KMT2C: variants seen among roughly 807,000 people sequenced by gnomAD.
KMT2C encodes the protein histone-lysine N-methyltransferase 2C.
Under a neutral mutation model 507.9 loss-of-function variants are expected in KMT2C, and 88 were observed. The ratio of observed to expected loss-of-function variants is 0.17; its 90% CI spans 0.15 to 0.21. KMT2C has a LOEUF of 0.21. Among genes scored for constraint, KMT2C ranks in the 10% least tolerant of loss-of-function variants. KMT2C has a pLI of 1.00. For synonymous variants in KMT2C, 2,049 were observed against 2,080.8 expected (o/e 0.98, Z 0.42); for missense variants, 4,954 against 5,957.8 (o/e 0.83, Z 5.55).
At chr7:152,329,883 T>C (rs550255683) in intron 3 of KMT2C, among the ~76,000 whole-genome samples, 7 of 151,992 alleles carry the variant, frequency 4.6e-5, no homozygotes, top group East Asian at 1.9e-4. Flanking sequence ...TAGTGGCTCA[T>C]GCCTGTAATC....
intron 48 of KMT2C, among the ~76,000 whole-genome samples, chr7:152,153,273 C>T (rs1236862111): frequency 1.3e-5 from 2 of 152,306 alleles, no homozygotes; most frequent in Admixed American, 1.3e-4. Context: ...AGAAAGCTTA[C>T]TTCCAGGGGC....
chr7:152,194,323 A>G (rs2093900349), intron 29 of KMT2C, 62 bp from the exon 30 acceptor site: 1 of 1,358,454 alleles, frequency 7.4e-7, no homozygotes, highest in Non-Finnish European at 1.0e-6. Context: ...TACTGATATA[A>G]AATAGTATTT....
In KMT2C at chr7:152,180,275, C is replaced by T. The variant is rs2093387610; in HGVS notation, c.7150-149G>A. 11 of 809,838 alleles carry T rather than the reference C, an allele frequency of 1.4e-5. No individual in the cohort carries two copies. The South Asian group carries it at 1.5e-4, about 11-fold the overall frequency. The allele number at this position is 809,838 out of a possible 1,614,324, so 50.2% of individuals were successfully genotyped here. On this transcript the variant is annotated intron_variant, in intron 36 of 58. Coordinates refer to ENST00000262189, the MANE Select transcript of KMT2C (RefSeq NM_170606.3). Reference sequence around the variant, plus strand: ...GACTCAAGTGATCCTCCTGTCTCAGCCTCTCAAGTAGCTGGGATTACAAGC... The same window carrying T: ...GACTCAAGTGATCCTCCTGTCTCAGTCTCTCAAGTAGCTGGGATTACAAGC...
chr7:152,251,806 G>C (rs1171414286), intron 11 of KMT2C, 133 bp downstream of exon 11: 1 of 525,246 alleles, frequency 1.9e-6, no homozygotes, highest in Admixed American at 3.8e-5. Context: ...ACATTTAAAG[G>C]TTGAGAAACT....
intron 6 of KMT2C, among the ~76,000 whole-genome samples, chr7:152,282,645 T>G (rs1270486867): frequency 2.0e-5 from 3 of 152,110 alleles, no homozygotes; most frequent in African/African-American, 7.2e-5. Context: ...AAGACTCACC[T>G]ATGTTGTTAC....
At position 152,177,204 on chromosome 7, in the gene KMT2C, C is replaced by A. The variant is rs1460738656; in HGVS notation, c.8249G>T (p.Arg2750Met). 1 of 1,613,932 alleles carries A rather than the reference C, an allele frequency of 6.2e-7. No individual in the cohort carries two copies. The highest frequency in any genetic ancestry group is 1.7e-5 in the Admixed American group (1 of 60,024). ...TGCAATGATATCAAACTCTCCTGAC[C>A]TTAAGAGGTCATCCAGGTTGGGATC... ...TNDPNLDDLL[R>M]SGEFDIIAYT... The change falls in exon 38 of 59, where the codon AGG becomes ATG. Residue 2750 changes from arginine to methionine, a missense_variant. By Grantham distance (91) the Arg-to-Met change is moderately conservative. This residue lies in a region of KMT2C where 1,689 missense variants were observed against 1,654.3 expected (regional missense o/e 1.02). Coordinates refer to ENST00000262189, the MANE Select transcript of KMT2C (RefSeq NM_170606.3).
At chr7:152,202,858 C>T (rs970871417) in intron 26 of KMT2C, 76 bp downstream of exon 26, 1 of 1,185,108 alleles carries the variant, frequency 8.4e-7, no homozygotes, top group African/African-American at 1.6e-5. Context: ...AAACAACAAA[C>T]CTATGTTTTA....
intron 2 of KMT2C, among the ~76,000 whole-genome samples, chr7:152,332,206 G>C (rs769987436): frequency 2.0e-5 from 3 of 152,038 alleles, no homozygotes; most frequent in Non-Finnish European, 4.4e-5. Flanking sequence ...CAGCTGAGAG[G>C]ATTTCCACAC....
At chr7:152,290,264 A>G (rs868799724) in intron 6 of KMT2C, among the ~76,000 whole-genome samples, 3,068 of 18,894 alleles carry the variant, frequency 0.16, 275 homozygotes, top group African/African-American at 0.4. Flanking sequence ...ATGTGTATAT[A>G]TATATATATA....
chr7:152,380,232 T>G (rs1589595302), intron 1 of KMT2C, among the ~76,000 whole-genome samples: 1 of 130,026 alleles, frequency 7.7e-6, no homozygotes, highest in African/African-American at 3.0e-5. Context: ...AGAGCGAGAC[T>G]CCATCTCCAA....
At chr7:152,372,943 T>C (rs771701772) in intron 1 of KMT2C, among the ~76,000 whole-genome samples, 25 of 152,162 alleles carry the variant, frequency 1.6e-4, no homozygotes, top group Non-Finnish European at 2.4e-4. Context: ...TTCTCCAGGA[T>C]AGATCATATG....
At chr7:152,243,445 C>G (rs1245539208) in intron 14 of KMT2C, among the ~76,000 whole-genome samples, 1 of 152,092 alleles carries the variant, frequency 6.6e-6, no homozygotes, top group East Asian at 1.9e-4. Context: ...CAAGAGATAT[C>G]AAAATACAGT....
rs73483013 is a variant in KMT2C, at chr7:152,276,897, T to G, written c.850-3030A>C. Among the ~76,000 whole-genome samples, 7 of 152,180 alleles carry G rather than the reference T, an allele frequency of 4.6e-5. No individual in the cohort carries two copies. In the South Asian group the frequency reaches 1.5e-3, roughly 32 times the overall value. ...ACAGGGAGTAAGAAAAGGAAAAAAGTAACATGTTATAATAATATTTTCCCA... is the reference window on the plus strand; with the variant it reads ...ACAGGGAGTAAGAAAAGGAAAAAAGGAACATGTTATAATAATATTTTCCCA... On this transcript the variant is annotated intron_variant, in intron 6 of 58. Coordinates refer to ENST00000262189, the MANE Select transcript of KMT2C (RefSeq NM_170606.3).
chr7:152,290,104 T>C (rs2096384330), intron 6 of KMT2C, among the ~76,000 whole-genome samples: 2 of 151,362 alleles, frequency 1.3e-5, no homozygotes, highest in African/African-American at 2.4e-5. Context: ...AGTTGGAATA[T>C]CTGGATCACT....
Position 152,150,984 on chromosome 7 carries a change from C to T in KMT2C, c.12690G>A (p.Arg4230=), listed in dbSNP as rs150737652. Residue 4230 remains arginine, a synonymous_variant, in exon 51 of 59, where the codon AGG becomes AGA. Transcript: ENST00000262189. ...LNKDSRESTK[R]VEKDIVFCSN... is the part of the protein sequence containing the mutation. Reference sequence around the variant, plus strand: ...TACAGAAGACAATGTCCTTCTCTACCCTCTTGGTGCTTTCTCGGGAATCCT... The same window carrying T: ...TACAGAAGACAATGTCCTTCTCTACTCTCTTGGTGCTTTCTCGGGAATCCT... 1.2e-6 allele frequency: 2 copies of T among 1,610,418 alleles called. No individual in the cohort carries two copies. Among genetic ancestry groups the T allele is most frequent in the South Asian group, 2.2e-5 (2 of 90,484 alleles).
chr7:152,428,520 A>G (rs549017096), intron 1 of KMT2C, among the ~76,000 whole-genome samples: 1 of 151,212 alleles, frequency 6.6e-6, no homozygotes, highest in Admixed American at 6.6e-5. Flanking sequence ...AATCCTGGCT[A>G]CTCAGGAGGC....
At chr7:152,348,843 T>A (rs956598776) in intron 2 of KMT2C, among the ~76,000 whole-genome samples, 1 of 152,090 alleles carries the variant, frequency 6.6e-6, no homozygotes, top group African/African-American at 2.4e-5. Flanking sequence ...ACAGAAACTT[T>A]TATTCATTTC....
intron 6 of KMT2C, among the ~76,000 whole-genome samples, chr7:152,290,269 TATATATATATATATATATATATATA>T (rs2096394457): frequency 1.2e-4 from 3 of 25,970 alleles, no homozygotes; most frequent in South Asian, 1.1e-3. Context: ...TATATATATA[TATATATATATATATATATATATATA>T]TTTTTTTTTT....
chr7:152,291,641 C>G (rs1447098833), intron 6 of KMT2C, among the ~76,000 whole-genome samples: 1 of 152,306 alleles, frequency 6.6e-6, no homozygotes, highest in African/African-American at 2.4e-5. Context: ...TGCATAAACA[C>G]TAATTCTTCC....
Sources: gnomAD v4.1 joint callset for allele counts (sites outside exome capture counted in the v4.1 genomes callset) on GRCh38, gnomAD v4.1.1 for gene constraint, gnomAD v4.1.1 regional missense constraint, MANE v1.5 for transcripts, NCBI Gene and HGNC (gene_info 2026-07-23, HGNC 2026-07-21) for gene names.